STOX1: variants seen among roughly 807,000 people sequenced by gnomAD.
The protein encoded by STOX1 is storkhead-box protein 1.
STOX1 carries 57 observed loss-of-function variants against 74.8 expected under a neutral mutation model. The ratio of observed to expected loss-of-function variants is 0.76; its 90% CI spans 0.62 to 0.95. STOX1 has a LOEUF of 0.95. Among genes scored for constraint, STOX1 ranks in the 40% least tolerant of loss-of-function variants. The pLI is 0.00. For missense variants in STOX1, 1,010 were observed against 1,117.0 expected (o/e 0.90, Z 1.37); for synonymous variants, 375 against 401.3 (o/e 0.93, Z 0.78).
intron 1 of STOX1, among the ~76,000 whole-genome samples, chr10:68,871,406 C>A (rs543668911): frequency 1.1e-3 from 161 of 152,350 alleles, no homozygotes; most frequent in Non-Finnish European, 1.2e-3. Flanking sequence ...AAGGAGGCCA[C>A]TAACTAAATT....
At chr10:68,846,613 C>G (rs1307573454) in intron 1 of STOX1, among the ~76,000 whole-genome samples, 1 of 152,104 alleles carries the variant, frequency 6.6e-6, no homozygotes, top group East Asian at 1.9e-4. Flanking sequence ...TTGATCGATA[C>G]CCCTATGCTT....
intron 1 of STOX1, among the ~76,000 whole-genome samples, chr10:68,864,309 C>T (rs915282596): frequency 6.6e-6 from 1 of 152,180 alleles, no homozygotes; most frequent in African/African-American, 2.4e-5. Flanking sequence ...ATTACTAGAC[C>T]TATCTGTGAA....
chr10:68,874,455 C>T (rs572597650), intron 1 of STOX1, among the ~76,000 whole-genome samples: 14 of 152,262 alleles, frequency 9.2e-5, no homozygotes, highest in African/African-American at 7.2e-5. Flanking sequence ...AATGTACCTA[C>T]GATCTGTAAG....
Position 68,884,619 on chromosome 10 carries a change from T to C in STOX1, c.823T>C (p.Ser275Pro). 3.1e-6 allele frequency: 5 copies of C among 1,613,984 alleles called. No individual in the cohort carries two copies. In the South Asian group the frequency reaches 5.5e-5, roughly 18 times the overall value. The change falls in exon 3 of 4, where the codon TCC becomes CCC. Residue 275 changes from serine to proline, a missense_variant. Transcript: ENST00000298596. ...GAAGAGTCACAGAGGTCTTGGGGAA[T>C]CCGTATCTTGGGTACAGAATGGGGC... ...TRKSHRGLGE[S>P]VSWVQNGAVS...
chr10:68,833,230 C>T (rs1399077681), intron 1 of STOX1, among the ~76,000 whole-genome samples: 4 of 151,916 alleles, frequency 2.6e-5, no homozygotes, highest in Non-Finnish European at 1.5e-5. Context: ...GGACTATAGG[C>T]GCGTGCCAGC....
At chr10:68,852,193 T>C (rs1477659627) in intron 1 of STOX1, among the ~76,000 whole-genome samples, 1 of 151,558 alleles carries the variant, frequency 6.6e-6, no homozygotes. Flanking sequence ...TGATGAGAAG[T>C]CAGCTGTTAA....
chr10:68,888,954 T>G (rs1308092682), intron 3 of STOX1, among the ~76,000 whole-genome samples: 2 of 150,844 alleles, frequency 1.3e-5, no homozygotes, highest in African/African-American at 2.4e-5. Flanking sequence ...TGCCTGGCCC[T>G]ACACTTTTTT....
chr10:68,886,646 A>G, intron 3 of STOX1, 28 bp downstream of exon 3: 2 of 1,608,106 alleles, frequency 1.2e-6, no homozygotes, highest in South Asian at 1.1e-5. Flanking sequence ...TGTCTGATTT[A>G]GGCCGGGCGC....
intron 1 of STOX1, among the ~76,000 whole-genome samples, chr10:68,859,267 C>T (rs1840203002): frequency 6.6e-6 from 1 of 152,094 alleles, no homozygotes; most frequent in Non-Finnish European, 1.5e-5. Flanking sequence ...ACTGTAGATA[C>T]CCATTTTGAG....
At chr10:68,838,389 A>G (rs1839612954) in intron 1 of STOX1, among the ~76,000 whole-genome samples, 1 of 152,018 alleles carries the variant, frequency 6.6e-6, no homozygotes, top group African/African-American at 2.4e-5. Context: ...TGGATAGTTT[A>G]TTGTTAATGT....
At chr10:68,860,119 A>C (rs28714427) in intron 1 of STOX1, among the ~76,000 whole-genome samples, 3,256 of 151,902 alleles carry the variant, frequency 0.021, 142 homozygotes, top group African/African-American at 0.075. Flanking sequence ...GTGAAACCCC[A>C]AAAATTAGCA....
chr10:68,878,898 G>A (rs188023747), intron 1 of STOX1, among the ~76,000 whole-genome samples: 1 of 152,198 alleles, frequency 6.6e-6, no homozygotes, highest in Non-Finnish European at 1.5e-5. Flanking sequence ...TCAGCCCCAG[G>A]ATCATGTTTG....
intron 3 of STOX1, among the ~76,000 whole-genome samples, chr10:68,888,675 C>T (rs1273666042): frequency 1.4e-5 from 2 of 144,186 alleles, no homozygotes; most frequent in South Asian, 4.4e-4. Flanking sequence ...GACTCTGTCA[C>T]CCAGGCTGGA....
At chr10:68,848,418 T>C (rs973492614) in intron 1 of STOX1, among the ~76,000 whole-genome samples, 2 of 152,180 alleles carry the variant, frequency 1.3e-5, no homozygotes, top group African/African-American at 4.8e-5. Context: ...GGGCTTTCCA[T>C]GCTACTGCTT....
intron 1 of STOX1, among the ~76,000 whole-genome samples, chr10:68,831,586 C>T (rs75467425): frequency 6.3e-4 from 96 of 152,158 alleles, no homozygotes; most frequent in African/African-American, 2.1e-3. Context: ...AGAGGGATGG[C>T]GGTCAGCTTT....
intron 3 of STOX1, among the ~76,000 whole-genome samples, chr10:68,891,859 G>A (rs144303080): frequency 2.9e-3 from 432 of 151,466 alleles, no homozygotes; most frequent in African/African-American, 9.4e-3. Flanking sequence ...TCACTCTGTT[G>A]CTGAGGCTGG....
intron 1 of STOX1, among the ~76,000 whole-genome samples, chr10:68,880,164 C>CTTTTTTTTTTTTTTT (rs71028800): frequency 9.9e-4 from 123 of 124,428 alleles, no homozygotes; most frequent in African/African-American, 2.8e-3. Flanking sequence ...TCTTTCTTTC[C>CTTTTTTTTTTTTTTT]TTTTTTTTTT....
chr10:68,857,419 A>G (rs1196604210), intron 1 of STOX1, among the ~76,000 whole-genome samples: 1 of 152,086 alleles, frequency 6.6e-6, no homozygotes, highest in Non-Finnish European at 1.5e-5. Flanking sequence ...TCTGGAATAT[A>G]CATCTTTCTG....
At chr10:68,851,274 G>T (rs1408093381) in intron 1 of STOX1, among the ~76,000 whole-genome samples, 2 of 148,874 alleles carry the variant, frequency 1.3e-5, no homozygotes, top group African/African-American at 5.0e-5. Context: ...CTGCACTCCA[G>T]CCTGGGCTAC....
Sources: allele counts gnomAD v4.1 joint callset (sites outside exome capture counted in the v4.1 genomes callset), GRCh38; gene constraint gnomAD v4.1.1; transcripts MANE v1.5; gene names NCBI Gene and HGNC (gene_info 2026-07-23, HGNC 2026-07-21).